The following FHAD1 variants were observed in gnomAD, a reference collection of about 807,000 sequenced individuals.
The protein encoded by FHAD1 is forkhead-associated domain-containing protein 1.
A neutral mutation model predicts 191.3 loss-of-function variants in FHAD1; 146 were observed. That is an observed-to-expected ratio of 0.76 (90% CI 0.67 to 0.88). FHAD1 has a LOEUF of 0.88. FHAD1 is among the 40% of genes least tolerant of loss of function. FHAD1 has a pLI of 0.00. For missense variants in FHAD1, 1,635 were observed against 1,785.8 expected, an observed-to-expected ratio of 0.92 and a Z score of 1.52; for synonymous variants, 616 against 672.3, an observed-to-expected ratio of 0.92 and a Z score of 1.29.
chr1:15,291,567 G>A (rs566675266), intron 4 of FHAD1, among the ~76,000 whole-genome samples: 5 of 152,132 alleles, frequency 3.3e-5, no homozygotes, highest in East Asian at 1.9e-4. Flanking sequence ...ATTAACATAC[G>A]GTGTGTATTA....
intron 6 of FHAD1, among the ~76,000 whole-genome samples, chr1:15,307,381 T>C (rs1670831817): frequency 6.6e-6 from 1 of 152,198 alleles, no homozygotes; most frequent in Non-Finnish European, 1.5e-5. Context: ...TGAAATGAGT[T>C]AAGACTTTGG....
At chr1:15,319,785 A>T (rs1232692187) in intron 10 of FHAD1, among the ~76,000 whole-genome samples, 1 of 152,248 alleles carries the variant, frequency 6.6e-6, no homozygotes, top group Non-Finnish European at 1.5e-5. Context: ...TCATAATTGT[A>T]TAATTTGCCT....
intron 15 of FHAD1, 90 bp from the exon 16 acceptor site, chr1:15,341,646 G>A (rs1328666294): frequency 1.7e-6 from 2 of 1,169,556 alleles, no homozygotes; most frequent in Non-Finnish European, 2.4e-6. Flanking sequence ...TTTGTACCCA[G>A]AAAGGTAAAC....
In FHAD1 at chr1:15,397,590, AG is replaced by A; in HGVS notation, c.*180del. On this transcript the variant is annotated 3_prime_UTR_variant, in exon 34 of 34. Transcript: ENST00000688493. ...TTATATTTTGGAGACTGTGGGGAGA[AG>A]GGTTCTTCTTTAAAAATACCTATGA... 2.5e-6 allele frequency: 1 copy of A among 404,768 alleles called. No homozygotes were observed. Among genetic ancestry groups the A allele is most frequent in the Non-Finnish European group, 4.4e-6 (1 of 226,836 alleles). The allele number at this position is 404,768 out of a possible 1,614,324, so 25.1% of individuals were successfully genotyped here. A position where few individuals can be genotyped will look rare whatever the true frequency, so the allele number is the denominator to read the frequency against.
chr1:15,258,882 A>T (rs922112526), intron 2 of FHAD1, among the ~76,000 whole-genome samples: 2 of 152,066 alleles, frequency 1.3e-5, no homozygotes, highest in Non-Finnish European at 2.9e-5. Flanking sequence ...GCCACCACCG[A>T]TATCTCTTCA....
chr1:15,243,846 C>A (rs1470918552), upstream of FHAD1, among the ~76,000 whole-genome samples: 2 of 152,176 alleles, frequency 1.3e-5, no homozygotes, highest in Non-Finnish European at 2.9e-5. Context: ...ACAGCTGTCA[C>A]CTGTAGTTCC....
At chr1:15,290,520 C>T (rs576751317) in intron 4 of FHAD1, among the ~76,000 whole-genome samples, 1 of 152,212 alleles carries the variant, frequency 6.6e-6, no homozygotes, top group East Asian at 1.9e-4. Context: ...CATGTAGTCA[C>T]CTTCCTCAGT....
chr1:15,372,545 T>G (rs947623971), intron 26 of FHAD1, among the ~76,000 whole-genome samples: 29 of 152,284 alleles, frequency 1.9e-4, no homozygotes, highest in African/African-American at 6.3e-4. Context: ...GTCTGCCTGC[T>G]CCCTGATCTC....
intron 2 of FHAD1, among the ~76,000 whole-genome samples, chr1:15,254,489 CTG>C (rs1443248794): frequency 2.8e-5 from 3 of 106,718 alleles, no homozygotes; most frequent in African/African-American, 1.3e-4. Flanking sequence ...AAAGTGGAGA[CTG>C]AGAATTTTTG....
rs140408224 is a variant in FHAD1 at position 15,318,593 on chromosome 1, C to T, written c.1365+665C>T. Among the ~76,000 whole-genome samples, 678 of 151,750 alleles carry T rather than the reference C, an allele frequency of 4.5e-3. 5 individuals are homozygous for T. The highest frequency in any genetic ancestry group is 0.015 in the African/African-American group (632 of 41,336). On this transcript the variant is annotated intron_variant, in intron 10 of 33. Transcript: ENST00000688493. The surrounding 1 kb of genome is among the most constrained non-coding windows in gnomAD (Gnocchi z 4.1). ...AGGTTGCAGCAAGCTGAGATCGTGC[C>T]ACCGCACTCCAGCCTGGGCGACAGA... is the stretch of plus-strand genomic sequence containing the variant.
intron 23 of FHAD1, chr1:15,363,693 A>G (rs1324374685): frequency 8.8e-6 from 4 of 454,632 alleles, no homozygotes; most frequent in African/African-American, 8.0e-5. Flanking sequence ...GGGGTCGGCT[A>G]AGTGACCTTA....
chr1:15,361,773 G>A (rs971897648), intron 22 of FHAD1, among the ~76,000 whole-genome samples: 6 of 151,008 alleles, frequency 4.0e-5, no homozygotes, highest in African/African-American at 7.3e-5. Context: ...TCCGGAGGCC[G>A]AGGCCGGCGG....
At position 15,309,059 on chromosome 1, in the gene FHAD1, A is replaced by G. The variant is rs562719703; in HGVS notation, c.1039+323A>G. 4.6e-5 allele frequency among the ~76,000 whole-genome samples: 7 copies of G among 152,380 alleles called. No homozygotes were observed. The East Asian group carries it at 1.3e-3, about 29-fold the overall frequency. On this transcript the variant is annotated intron_variant, in intron 7 of 33. Coordinates refer to ENST00000688493, the MANE Select transcript of FHAD1 (RefSeq NM_001391957.1). ...ACACAGGACAAGCTGCAGCTCAGGCAGTCCCATGAGCCAGTTTGCTGTGAA... is the reference window on the plus strand; with the variant it reads ...ACACAGGACAAGCTGCAGCTCAGGCGGTCCCATGAGCCAGTTTGCTGTGAA...
intron 2 of FHAD1, among the ~76,000 whole-genome samples, chr1:15,271,168 C>G (rs1359097504): frequency 3.2e-5 from 4 of 125,766 alleles, no homozygotes. Flanking sequence ...AAAAAATTAG[C>G]TGGGCGTGGT....
intron 22 of FHAD1, among the ~76,000 whole-genome samples, chr1:15,360,904 T>C (rs983618250): frequency 6.6e-6 from 1 of 152,152 alleles, no homozygotes; most frequent in Non-Finnish European, 1.5e-5. Context: ...GTCATGGCAA[T>C]GAGTTGGGAC....
intron 23 of FHAD1, chr1:15,363,944 T>G: frequency 2.8e-6 from 1 of 357,134 alleles, no homozygotes; most frequent in Non-Finnish European, 5.5e-6. Flanking sequence ...TGTCACAGGG[T>G]TTTTACCCCA....
At chr1:15,245,688 C>A (rs1275884391), upstream of FHAD1, among the ~76,000 whole-genome samples, 1 of 152,188 alleles carries the variant, frequency 6.6e-6, no homozygotes, top group Non-Finnish European at 1.5e-5. Context: ...CCAGGCAGAA[C>A]CTTCCAGACT....
Position 15,388,082 on chromosome 1 carries a change from C to T in FHAD1, c.4220C>T (p.Ala1407Val), listed in dbSNP as rs1168739242. The T allele has an allele frequency of 3.1e-5, 40 of 1,289,816 alleles. No individual in the cohort carries two copies. Among genetic ancestry groups the T allele is most frequent in the Non-Finnish European group, 3.9e-5 (39 of 988,894 alleles). 79.9% of individuals were successfully genotyped at this position (1,289,816 alleles called of 1,614,324 possible). A position where few individuals can be genotyped will look rare whatever the true frequency, so the allele number is the denominator to read the frequency against. The change falls in exon 32 of 34, where the codon GCA becomes GTA. Residue 1407 changes from alanine (A) to valine (V), a missense_variant. Ala to Val is a moderately conservative substitution (Grantham distance 64). Transcript: ENST00000688493. ...ESVEEHELRN[A>V]KESTPCNCAF... is the part of the protein sequence containing the mutation. ...GTAGAGGAGCACGAACTGAGAAACGCAAAAGAATCGACACCTTGCAACTGT... is the reference window on the plus strand; with the variant it reads ...GTAGAGGAGCACGAACTGAGAAACGTAAAAGAATCGACACCTTGCAACTGT...
At chr1:15,353,126 C>T (rs999307120) in intron 20 of FHAD1, 142 bp downstream of exon 20, 2 of 630,180 alleles carry the variant, frequency 3.2e-6, no homozygotes, top group Admixed American at 2.9e-5. Flanking sequence ...ATCTCTGTGC[C>T]TTAGTTTCCC....
Sources: allele counts gnomAD v4.1 joint callset (sites outside exome capture counted in the v4.1 genomes callset), GRCh38; gene constraint gnomAD v4.1.1; non-coding constraint Gnocchi (gnomAD v3.1); transcripts MANE v1.5; gene names NCBI Gene and HGNC (gene_info 2026-07-23, HGNC 2026-07-21).